PTPRD: variants seen among roughly 807,000 people sequenced by gnomAD.
PTPRD encodes receptor-type tyrosine-protein phosphatase delta.
A neutral mutation model predicts 214.5 loss-of-function variants in PTPRD; 34 were observed. The observed-to-expected ratio is 0.16, with a 90% CI of 0.12 to 0.21. The LOEUF (loss-of-function observed/expected upper bound fraction) is 0.21, where lower values mean the gene tolerates loss of function less well. Ranked by LOEUF, PTPRD falls within the 10% of genes least tolerant of loss-of-function variation. PTPRD has a pLI of 1.00. For missense variants in PTPRD, 2,545 were observed against 2,398.7 expected (o/e 1.06, Z -1.27); for synonymous variants, 1,128 against 845.7 (o/e 1.33, Z -5.79).
intron 9 of PTPRD, among the ~76,000 whole-genome samples, chr9:9,271,591 C>T (rs963724324): frequency 1.3e-5 from 2 of 151,310 alleles, no homozygotes; most frequent in Non-Finnish European, 1.5e-5. Context: ...TTATTAAAAT[C>T]TGGATAGCAA....
chr9:9,858,426 T>C (rs1471674897), intron 5 of PTPRD, among the ~76,000 whole-genome samples: 2 of 152,214 alleles, frequency 1.3e-5, no homozygotes, highest in East Asian at 1.9e-4. Flanking sequence ...ATGACTGTTC[T>C]AGTTAAACAA....
At chr9:10,321,068 T>A (rs2096544029) in intron 3 of PTPRD, among the ~76,000 whole-genome samples, 1 of 151,998 alleles carries the variant, frequency 6.6e-6, no homozygotes, top group Non-Finnish European at 1.5e-5. Flanking sequence ...TGGCTAAAAT[T>A]TACACACTGG....
chr9:9,836,546 G>T (rs994682820), intron 5 of PTPRD, among the ~76,000 whole-genome samples: 1 of 152,108 alleles, frequency 6.6e-6, no homozygotes, highest in Non-Finnish European at 1.5e-5. Context: ...AGTTTATGGG[G>T]TGACTGAACT....
intron 21 of PTPRD, among the ~76,000 whole-genome samples, chr9:8,514,116 T>C (rs2097736751): frequency 6.6e-6 from 1 of 152,146 alleles, no homozygotes; most frequent in East Asian, 1.9e-4. Flanking sequence ...CCTCTGATAA[T>C]GCTACCTTCA....
At chr9:10,041,587 T>C (rs2097297708) in intron 3 of PTPRD, among the ~76,000 whole-genome samples, 1 of 151,854 alleles carries the variant, frequency 6.6e-6, no homozygotes, top group Non-Finnish European at 1.5e-5. Flanking sequence ...CTTGTTATAT[T>C]AGAGACTTTA....
At chr9:8,823,810 G>A (rs971247102) in intron 11 of PTPRD, among the ~76,000 whole-genome samples, 3 of 152,206 alleles carry the variant, frequency 2.0e-5, no homozygotes. Context: ...CGGTGAGTTT[G>A]CAGTGCAAAG....
At chr9:10,608,588 G>C (rs779279457) in intron 2 of PTPRD, among the ~76,000 whole-genome samples, 2 of 152,040 alleles carry the variant, frequency 1.3e-5, no homozygotes, top group African/African-American at 2.4e-5. Flanking sequence ...GTTATATTCA[G>C]TATATTAGTC....
intron 39 of PTPRD, among the ~76,000 whole-genome samples, chr9:8,353,421 A>G (rs570666847): frequency 1.1e-3 from 123 of 109,912 alleles, no homozygotes; most frequent in African/African-American, 3.0e-3. Flanking sequence ...TTTATTTATG[A>G]ATGTATGAAT....
chr9:9,461,255 G>A (rs1250563377), intron 8 of PTPRD, among the ~76,000 whole-genome samples: 1 of 151,864 alleles, frequency 6.6e-6, no homozygotes, highest in African/African-American at 2.4e-5. Flanking sequence ...ATGTTCACTA[G>A]AAGCCCAAAC....
intron 2 of PTPRD, among the ~76,000 whole-genome samples, chr9:10,571,800 G>A (rs910732251): frequency 6.6e-6 from 1 of 152,066 alleles, no homozygotes; most frequent in Non-Finnish European, 1.5e-5. Context: ...AGGCGACCTA[G>A]ATCTCTCACA....
At chr9:9,061,570 C>G (rs1197746201) in intron 10 of PTPRD, among the ~76,000 whole-genome samples, 2 of 152,134 alleles carry the variant, frequency 1.3e-5, no homozygotes, top group African/African-American at 4.8e-5. Flanking sequence ...GTTGTCAACT[C>G]ATGGCTTAGA....
chr9:10,504,548 A>C (rs1255137239), intron 2 of PTPRD, among the ~76,000 whole-genome samples: 1 of 152,190 alleles, frequency 6.6e-6, no homozygotes, highest in African/African-American at 2.4e-5. Flanking sequence ...GAGCCATATC[A>C]ATTCAGAGTG....
chr9:10,608,626 T>A (rs2080116834), intron 2 of PTPRD, among the ~76,000 whole-genome samples: 4 of 152,120 alleles, frequency 2.6e-5, no homozygotes, highest in Admixed American at 6.6e-5. Flanking sequence ...TTCAAATTGC[T>A]AAGCCAATTT....
rs559917508 is a variant in PTPRD at position 9,332,626 on chromosome 9, T to A, written c.-203+64823A>T. 2.0e-5 allele frequency among the ~76,000 whole-genome samples: 3 copies of A among 151,364 alleles called. No homozygotes were observed. The East Asian group carries it at 5.8e-4, about 29-fold the overall frequency. On this transcript the variant is annotated intron_variant, in intron 9 of 45. Transcript: ENST00000381196. The stretch of plus-strand genomic sequence containing the variant: ...TGAGCTTGGGAGTCTCTCCCCAGGA[T>A]TACGTTGTTCAACATTTTCTAGTGA...
At chr9:10,471,773 T>G (rs1295741084) in intron 2 of PTPRD, among the ~76,000 whole-genome samples, 1 of 152,144 alleles carries the variant, frequency 6.6e-6, no homozygotes, top group Non-Finnish European at 1.5e-5. Context: ...TTTTATATTT[T>G]AAGTTGAAGA....
rs1193136456 is a variant in PTPRD, at chr9:10,194,337, TATATATATAGAGAGAGAGAGAG to T, written c.-545+146604_-545+146625del. Among the ~76,000 whole-genome samples, 416 of 70,498 alleles carry T rather than the reference TATATATATAGAGAGAGAGAGAG, an allele frequency of 5.9e-3. 3 individuals carry two copies. Among genetic ancestry groups the T allele is most frequent in the South Asian group, 0.026 (44 of 1,678 alleles). 46.2% of individuals were successfully genotyped at this position (70,498 alleles called of 152,430 possible). ...CTATTCATATATATATATATATATA[TATATATATAGAGAGAGAGAGAG>T]AGAGAGAGAGAGAGAGAGAGAGAGA... On this transcript the variant is annotated intron_variant, in intron 3 of 45. Coordinates refer to ENST00000381196, the MANE Select transcript of PTPRD (RefSeq NM_002839.4).
chr9:8,538,433 A>T (rs2077472632), intron 14 of PTPRD, among the ~76,000 whole-genome samples: 1 of 151,872 alleles, frequency 6.6e-6, no homozygotes, highest in African/African-American at 2.4e-5. Flanking sequence ...CAACAAGCTC[A>T]ATCAAATGGG....
At chr9:8,771,252 C>T (rs1444779947) in intron 11 of PTPRD, among the ~76,000 whole-genome samples, 11 of 151,902 alleles carry the variant, frequency 7.2e-5, no homozygotes, top group Non-Finnish European at 1.5e-4. Context: ...ACTGAATACA[C>T]TGATTTGTAA....
intron 9 of PTPRD, among the ~76,000 whole-genome samples, chr9:9,323,465 G>C (rs985238417): frequency 3.3e-5 from 5 of 152,098 alleles, no homozygotes; most frequent in Non-Finnish European, 7.4e-5. Flanking sequence ...AATATAATCT[G>C]ATGTCGACCA....
Sources: allele counts gnomAD v4.1 joint callset (sites outside exome capture counted in the v4.1 genomes callset), GRCh38; gene constraint gnomAD v4.1.1; transcripts MANE v1.5; gene names NCBI Gene and HGNC (gene_info 2026-07-23, HGNC 2026-07-21).